AUTS2: variants seen among roughly 807,000 people sequenced by gnomAD.
AUTS2 encodes the protein autism susceptibility gene 2 protein.
In AUTS2, 17 loss-of-function variants were observed where a neutral mutation model predicts 112.4. The observed-to-expected ratio is 0.15, with a 90% CI of 0.10 to 0.23. The LOEUF is 0.23. Among genes scored for constraint, AUTS2 ranks in the 10% least tolerant of loss-of-function variants. The pLI is 1.00. For synonymous variants in AUTS2, 751 were observed against 702.7 expected (o/e 1.07, Z -1.09); for missense variants, 1,510 against 1,701.6 (o/e 0.89, Z 1.98).
intron 2 of AUTS2, among the ~76,000 whole-genome samples, chr7:70,068,079 G>C (rs1223095906): frequency 6.6e-6 from 1 of 151,922 alleles, no homozygotes; most frequent in Non-Finnish European, 1.5e-5. Context: ...AAAAGAGAGT[G>C]AGAACAAGAA....
intron 4 of AUTS2, among the ~76,000 whole-genome samples, chr7:70,423,410 G>A (rs1406893815): frequency 6.6e-6 from 1 of 152,190 alleles, no homozygotes; most frequent in African/African-American, 2.4e-5. Flanking sequence ...CTTCCTACTT[G>A]TACCAGTAAT....
intron 1 of AUTS2, among the ~76,000 whole-genome samples, chr7:69,627,031 A>G (rs1793987073): frequency 1.3e-5 from 2 of 152,272 alleles, no homozygotes; most frequent in South Asian, 4.1e-4. Context: ...GAAATAAAAC[A>G]GTCTTCTTGA....
chr7:70,482,927 G>A (rs1004671215), intron 5 of AUTS2, among the ~76,000 whole-genome samples: 2 of 152,138 alleles, frequency 1.3e-5, no homozygotes, highest in Non-Finnish European at 2.9e-5. Context: ...ACTCAAAGGA[G>A]GATAATTGTG....
intron 4 of AUTS2, among the ~76,000 whole-genome samples, chr7:70,277,067 C>T (rs756084708): frequency 3.9e-5 from 6 of 152,028 alleles, no homozygotes; most frequent in African/African-American, 7.3e-5. Flanking sequence ...GAATTAAGGC[C>T]GAAATGGCAT....
At chr7:70,402,059 G>C (rs1277903159) in intron 4 of AUTS2, among the ~76,000 whole-genome samples, 1 of 152,156 alleles carries the variant, frequency 6.6e-6, no homozygotes, top group Non-Finnish European at 1.5e-5. Flanking sequence ...TAGTGCTTTG[G>C]GGTCCTTGCT....
rs1366792623 is a variant in AUTS2, at chr7:69,825,271, G to T, written c.310-74015G>T. ...TAAAACAATGGTTCTCAACCCTGGG[G>T]TCACATTAGAATCACTGGCAGAGCT... On this transcript the variant is annotated intron_variant, in intron 1 of 18. Coordinates refer to ENST00000342771, the MANE Select transcript of AUTS2 (RefSeq NM_015570.4). Among the ~76,000 whole-genome samples the T allele has an allele frequency of 4.6e-5, 7 of 152,162 alleles. No individual in the cohort carries two copies. The East Asian group carries it at 1.3e-3, about 29-fold the overall frequency.
chr7:70,191,316 C>T (rs556729514), intron 4 of AUTS2, among the ~76,000 whole-genome samples: 3 of 151,904 alleles, frequency 2.0e-5, no homozygotes, highest in East Asian at 1.9e-4. Flanking sequence ...TACAGGTGCT[C>T]GCCACCATGC....
chr7:69,668,834 T>C (rs141338948), intron 1 of AUTS2, among the ~76,000 whole-genome samples: 3 of 152,304 alleles, frequency 2.0e-5, no homozygotes, highest in Non-Finnish European at 4.4e-5. Flanking sequence ...AATTACTGTG[T>C]TTTTTTCCTT....
chr7:70,020,405 A>T (rs1281935850), intron 2 of AUTS2, among the ~76,000 whole-genome samples: 9 of 152,012 alleles, frequency 5.9e-5, no homozygotes, highest in Admixed American at 5.9e-4. Context: ...CCTATTTTTG[A>T]TGGACTCTGC....
intron 4 of AUTS2, among the ~76,000 whole-genome samples, chr7:70,140,555 G>T (rs1806808002): frequency 6.6e-6 from 1 of 152,138 alleles, no homozygotes; most frequent in Admixed American, 6.5e-5. Context: ...CCACTTGGCA[G>T]TACTTGCTGT....
At chr7:70,332,592 A>G (rs1160592122) in intron 4 of AUTS2, among the ~76,000 whole-genome samples, 2 of 152,244 alleles carry the variant, frequency 1.3e-5, no homozygotes, top group Non-Finnish European at 2.9e-5. Context: ...CCACAACAGC[A>G]TGGTACTGGT....
intron 4 of AUTS2, among the ~76,000 whole-genome samples, chr7:70,232,759 T>G (rs1812124737): frequency 2.6e-5 from 4 of 152,228 alleles, no homozygotes; most frequent in Admixed American, 2.6e-4. Flanking sequence ...AGAGTCATTA[T>G]TTTTTCAGGT....
intron 2 of AUTS2, among the ~76,000 whole-genome samples, chr7:69,971,748 C>T (rs1266526647): frequency 6.6e-6 from 1 of 152,148 alleles, no homozygotes; most frequent in Non-Finnish European, 1.5e-5. Context: ...TTTTACTCAG[C>T]ATAATGTTTT....
chr7:70,525,938 G>GC (rs1364721304), intron 5 of AUTS2, among the ~76,000 whole-genome samples: 1 of 152,232 alleles, frequency 6.6e-6, no homozygotes, highest in Non-Finnish European at 1.5e-5. Flanking sequence ...TCATCTTCTG[G>GC]CGGGAGAGGG....
intron 4 of AUTS2, among the ~76,000 whole-genome samples, chr7:70,420,178 G>A (rs1354969035): frequency 6.6e-6 from 1 of 152,158 alleles, no homozygotes; most frequent in Non-Finnish European, 1.5e-5. Context: ...ATTTTTTAGT[G>A]GGACTCTTCA....
chr7:70,246,843 T>C (rs960583472), intron 4 of AUTS2, among the ~76,000 whole-genome samples: 2 of 152,124 alleles, frequency 1.3e-5, no homozygotes, highest in African/African-American at 4.8e-5. Context: ...TTTATCTTTA[T>C]TTATTTAAAT....
At chr7:70,683,142 T>A (rs1255354542) in intron 5 of AUTS2, among the ~76,000 whole-genome samples, 1 of 152,232 alleles carries the variant, frequency 6.6e-6, no homozygotes, top group Non-Finnish European at 1.5e-5. Context: ...CAATGGTTAA[T>A]GATATATTTT....
At position 69,599,686 on chromosome 7, in the gene AUTS2, C is replaced by A; in HGVS notation, c.33C>A (p.Arg11=). The A allele has an allele frequency of 7.5e-7, 1 of 1,327,026 alleles. No individual in the cohort carries two copies. The highest frequency in any genetic ancestry group is 9.6e-7 in the Non-Finnish European group (1 of 1,043,032). 82.2% of individuals were successfully genotyped at this position (1,327,026 alleles called of 1,614,324 possible). Residue 11 remains arginine (R), a synonymous_variant, in exon 1 of 19, where the codon CGC becomes CGA. Transcript: ENST00000342771. This position sits in a 1 kb window ranked among gnomAD's most constrained non-coding sequence, Gnocchi z 7.0. The stretch of plus-strand genomic sequence containing the variant: ...GCCCGACGCGGGGCCATGGACTCCG[C>A]AAAAAGCGGCGGTCGCGGTCGCAGC... The part of the protein sequence containing the change: MDGPTRGHGL[R]KKRRSRSQRD...
At chr7:70,374,016 C>T (rs1792970129) in intron 4 of AUTS2, among the ~76,000 whole-genome samples, 1 of 152,084 alleles carries the variant, frequency 6.6e-6, no homozygotes, top group South Asian at 2.1e-4. Context: ...AACCTATCTC[C>T]TGCAACTAAA....
Sources: gnomAD v4.1 joint callset for allele counts (sites outside exome capture counted in the v4.1 genomes callset) on GRCh38, gnomAD v4.1.1 for gene constraint, Gnocchi (gnomAD v3.1) non-coding constraint, MANE v1.5 for transcripts, NCBI Gene and HGNC (gene_info 2026-07-23, HGNC 2026-07-21) for gene names.